PRLR: variants seen among roughly 807,000 people sequenced by gnomAD.
The protein encoded by PRLR is hPRL receptor.
In PRLR, 13 loss-of-function variants were observed where a neutral mutation model predicts 40.2. The observed-to-expected ratio is 0.32, with a 90% CI of 0.21 to 0.51. The LOEUF (loss-of-function observed/expected upper bound fraction) is 0.51, where lower values mean the gene tolerates loss of function less well. Among genes scored for constraint, PRLR ranks in the 20% least tolerant of loss-of-function variants. PRLR has a pLI of 0.97. For synonymous variants in PRLR, 269 were observed against 278.7 expected, an observed-to-expected ratio of 0.97 and a Z score of 0.35; for missense variants, 656 against 747.3, an observed-to-expected ratio of 0.88 and a Z score of 1.42.
chr5:35,150,003 T>C (rs954842021), intron 1 of PRLR, among the ~76,000 whole-genome samples: 1 of 152,034 alleles, frequency 6.6e-6, no homozygotes, highest in Admixed American at 6.6e-5. Context: ...CGTGAGCCAG[T>C]GCGCCTGAGT....
intron 1 of PRLR, among the ~76,000 whole-genome samples, chr5:35,146,832 C>A (rs1440133557): frequency 1.3e-5 from 2 of 152,130 alleles, no homozygotes; most frequent in Non-Finnish European, 2.9e-5. Flanking sequence ...CCCTCTAAAC[C>A]TTTTTGAAGC....
chr5:35,223,217 C>T (rs1776467019), intron 1 of PRLR, among the ~76,000 whole-genome samples: 2 of 152,242 alleles, frequency 1.3e-5, no homozygotes, highest in Non-Finnish European at 2.9e-5. Context: ...TAAAAGATTA[C>T]TTCTTTCATT....
Position 35,057,704 on chromosome 5 carries a change from A to ATGT in PRLR, c.*7384_*7385insACA, listed in dbSNP as rs1768800431. ...CCATAAGCAAAGATTTACAGAATGAAAAATGCAAAATAACAAATCAGATAA... is the reference window on the plus strand; with the variant it reads ...CCATAAGCAAAGATTTACAGAATGAATGTAAATGCAAAATAACAAATCAGATAA... On this transcript the variant is annotated 3_prime_UTR_variant, in exon 10 of 10. Transcript: ENST00000618457. 1 of 152,184 alleles carries ATGT rather than the reference A, an allele frequency of 6.6e-6. No individual in the cohort carries two copies. The highest frequency in any genetic ancestry group is 2.4e-5 in the African/African-American group (1 of 41,462). 9.4% of individuals were successfully genotyped at this position (152,184 alleles called of 1,614,324 possible). A position where few individuals can be genotyped will look rare whatever the true frequency, so the allele number is the denominator to read the frequency against.
At chr5:35,070,914 G>C (rs1769709977) in intron 6 of PRLR, among the ~76,000 whole-genome samples, 3 of 149,902 alleles carry the variant, frequency 2.0e-5, no homozygotes, top group Admixed American at 1.3e-4. Context: ...TGAAATAACT[G>C]ATTCAATAAT....
chr5:35,124,032 T>G (rs1773377914), intron 1 of PRLR, among the ~76,000 whole-genome samples: 1 of 152,132 alleles, frequency 6.6e-6, no homozygotes, highest in Non-Finnish European at 1.5e-5. Context: ...CAAGGAGAAG[T>G]TAAGACTGGG....
intron 1 of PRLR, 67 bp downstream of exon 1, chr5:35,230,201 A>G (rs1215728851): frequency 6.6e-6 from 1 of 152,144 alleles, no homozygotes; most frequent in Non-Finnish European, 1.5e-5. Context: ...CATCCCGGAG[A>G]GCGGCCGCCC....
chr5:35,147,188 A>G (rs1448338714), intron 1 of PRLR, among the ~76,000 whole-genome samples: 1 of 152,180 alleles, frequency 6.6e-6, no homozygotes, highest in Non-Finnish European at 1.5e-5. Flanking sequence ...AAGGACAGCA[A>G]AGATTTAATG....
chr5:35,088,748 C>T (rs1331913518), intron 3 of PRLR, among the ~76,000 whole-genome samples: 1 of 152,046 alleles, frequency 6.6e-6, no homozygotes, highest in Non-Finnish European at 1.5e-5. Context: ...ACAGAGCCCG[C>T]ATCAAAAGTA....
At chr5:35,192,087 C>T (rs1004671433) in intron 1 of PRLR, among the ~76,000 whole-genome samples, 3 of 152,192 alleles carry the variant, frequency 2.0e-5, no homozygotes, top group Admixed American at 2.0e-4. Context: ...TTGACATGAC[C>T]ATCATTGGTC....
Position 35,200,489 on chromosome 5 carries a change from G to A in PRLR, c.-106+29779C>T, listed in dbSNP as rs78822788. On this transcript the variant is annotated intron_variant, in intron 1 of 9. Coordinates refer to ENST00000618457, the MANE Select transcript of PRLR (RefSeq NM_000949.7). ...GAGGGCTTTCAATTATATATTCTTC[G>A]TGAAGGGCACTCTAATTTTACTTAA... is the stretch of plus-strand genomic sequence containing the variant. Among the ~76,000 whole-genome samples, 1,362 of 152,280 alleles carry A rather than the reference G, an allele frequency of 8.9e-3. 31 individuals are homozygous for A. Among genetic ancestry groups the A allele is most frequent in the African/African-American group, 0.032 (1,309 of 41,554 alleles).
intron 1 of PRLR, among the ~76,000 whole-genome samples, chr5:35,133,040 T>C (rs1773735735): frequency 6.6e-6 from 1 of 152,170 alleles, no homozygotes. Flanking sequence ...AAAATTTTCC[T>C]TCCTTGAGCT....
At chr5:35,201,035 T>A (rs1579796851) in intron 1 of PRLR, among the ~76,000 whole-genome samples, 1 of 152,190 alleles carries the variant, frequency 6.6e-6, no homozygotes, top group East Asian at 1.9e-4. Flanking sequence ...ACAAGTTCTG[T>A]GGTAAATTCT....
At chr5:35,109,744 T>C (rs1454766307) in intron 2 of PRLR, among the ~76,000 whole-genome samples, 4 of 152,076 alleles carry the variant, frequency 2.6e-5, no homozygotes, top group Middle Eastern at 3.2e-3. Context: ...TGTGGAGAAA[T>C]AGGAACACTT....
intron 1 of PRLR, among the ~76,000 whole-genome samples, chr5:35,226,371 C>A (rs1269333289): frequency 3.9e-5 from 6 of 152,266 alleles, no homozygotes; most frequent in Admixed American, 3.3e-4. Context: ...AGCTCCTTAA[C>A]CTTGATGACT....
intron 1 of PRLR, among the ~76,000 whole-genome samples, chr5:35,216,270 C>CTA (rs1776285808): frequency 1.5e-4 from 1 of 6,878 alleles, no homozygotes; most frequent in African/African-American, 1.5e-3. Flanking sequence ...TGAGGTTGAA[C>CTA]CAAGTGCTCA....
intron 1 of PRLR, among the ~76,000 whole-genome samples, chr5:35,139,636 G>C (rs967274567): frequency 2.6e-5 from 4 of 152,030 alleles, no homozygotes; most frequent in Non-Finnish European, 4.4e-5. Flanking sequence ...CAAACTAAAA[G>C]GTTAAAGATA....
At chr5:35,190,018 A>C (rs193166497) in intron 1 of PRLR, among the ~76,000 whole-genome samples, 1 of 152,278 alleles carries the variant, frequency 6.6e-6, no homozygotes, top group Non-Finnish European at 1.5e-5. Context: ...GCAGGAATTC[A>C]AGAGGCAAGA....
chr5:35,056,655 C>T lies in PRLR; in HGVS notation c.*8434G>A, dbSNP rs1401144617. ...TTCAATGCTTTTGAAAAATTAGCTA[C>T]ATATTACTTCTCCAGCTCATCATTA... is the stretch of plus-strand genomic sequence containing the variant. On this transcript the variant is annotated 3_prime_UTR_variant, in exon 10 of 10. Coordinates refer to ENST00000618457, the MANE Select transcript of PRLR (RefSeq NM_000949.7). 6.6e-6 allele frequency: 1 copy of T among 152,132 alleles called. No individual in the cohort carries two copies. The highest frequency in any genetic ancestry group is 1.5e-5 in the Non-Finnish European group (1 of 68,020). 9.4% of individuals were successfully genotyped at this position (152,132 alleles called of 1,614,324 possible).
chr5:35,188,138 G>T (rs776352003), intron 1 of PRLR, among the ~76,000 whole-genome samples: 41 of 152,332 alleles, frequency 2.7e-4, no homozygotes, highest in Admixed American at 5.2e-4. Context: ...TCAGGAACTT[G>T]CTAGGAAGAA....
Sources: gnomAD v4.1 joint callset for allele counts (sites outside exome capture counted in the v4.1 genomes callset) on GRCh38, gnomAD v4.1.1 for gene constraint, MANE v1.5 for transcripts, NCBI Gene and HGNC (gene_info 2026-07-23, HGNC 2026-07-21) for gene names.